The following SYNPR variants were observed in gnomAD, a reference collection of about 807,000 sequenced individuals.
SYNPR encodes the protein synaptoporin.
In SYNPR, 23 loss-of-function variants were observed where a neutral mutation model predicts 32.9. The ratio of observed to expected loss-of-function variants is 0.70; its 90% CI spans 0.50 to 0.99. SYNPR has a LOEUF of 0.99. SYNPR is among the 50% of genes least tolerant of loss of function. The pLI is 0.00. For missense variants in SYNPR, 318 were observed against 349.3 expected, an observed-to-expected ratio of 0.91 and a Z score of 0.71; for synonymous variants, 146 against 135.9, an observed-to-expected ratio of 1.07 and a Z score of -0.52.
At chr3:63,456,593 A>C (rs559181855) in intron 2 of SYNPR, among the ~76,000 whole-genome samples, 8 of 152,118 alleles carry the variant, frequency 5.3e-5, no homozygotes, top group Admixed American at 1.3e-4. Context: ...AGGAAACAGA[A>C]GACTTGATGG....
chr3:63,309,204 G>T (rs1171027757), intron 2 of SYNPR, among the ~76,000 whole-genome samples: 2 of 151,902 alleles, frequency 1.3e-5, no homozygotes, highest in Non-Finnish European at 2.9e-5. Context: ...GTTTTTGGTT[G>T]GTTGGTTGTT....
chr3:63,445,659 G>GGT (rs1272669128), intron 2 of SYNPR: 1 of 581,878 alleles, frequency 1.7e-6, no homozygotes, highest in Non-Finnish European at 3.1e-6. Context: ...ACTCTATGAG[G>GGT]GCCATAACAT....
chr3:63,542,495 G>A (rs1165507633), intron 3 of SYNPR, among the ~76,000 whole-genome samples: 2 of 152,066 alleles, frequency 1.3e-5, no homozygotes, highest in Non-Finnish European at 2.9e-5. Flanking sequence ...TTTATACTGA[G>A]TAATCACTCC....
rs184337274 is a variant in SYNPR at position 63,495,769 on chromosome 3, G to T, written c.209+14813G>T. Among the ~76,000 whole-genome samples, 343 of 152,218 alleles carry T rather than the reference G, an allele frequency of 2.3e-3. 1 individual carries two copies. Among genetic ancestry groups the T allele is most frequent in the South Asian group, 4.1e-3 (20 of 4,826 alleles). ...AACTATGGAGACAGTAAAAAGATCA[G>T]TGGTGGCCAAAGGTTGAGGGAGATG... is the stretch of plus-strand genomic sequence containing the variant. On this transcript the variant is annotated intron_variant, in intron 3 of 5. Coordinates refer to ENST00000478300, the MANE Select transcript of SYNPR (RefSeq NM_001130003.2).
At chr3:63,409,490 G>A (rs2088433339) in intron 2 of SYNPR, among the ~76,000 whole-genome samples, 1 of 152,068 alleles carries the variant, frequency 6.6e-6, no homozygotes, top group Non-Finnish European at 1.5e-5. Context: ...TCCTACATTT[G>A]ACTCTTGGCT....
intron 2 of SYNPR, among the ~76,000 whole-genome samples, chr3:63,319,974 G>A (rs533290156): frequency 6.6e-6 from 1 of 151,946 alleles, no homozygotes; most frequent in African/African-American, 2.4e-5. Flanking sequence ...TATTGAGACA[G>A]GGTCTTGCCC....
chr3:63,305,891 A>C (rs778841655), intron 2 of SYNPR, among the ~76,000 whole-genome samples: 2 of 152,016 alleles, frequency 1.3e-5, no homozygotes, highest in African/African-American at 2.4e-5. Context: ...AGTCCTGGAA[A>C]AATGGCTAAA....
intron 3 of SYNPR, among the ~76,000 whole-genome samples, chr3:63,549,761 T>A (rs1702469845): frequency 6.6e-6 from 1 of 152,170 alleles, no homozygotes; most frequent in African/African-American, 2.4e-5. Context: ...GACTCAATAT[T>A]TTCTTTAACC....
intron 3 of SYNPR, among the ~76,000 whole-genome samples, chr3:63,272,196 C>T (rs1285819859): frequency 6.6e-6 from 1 of 152,130 alleles, no homozygotes; most frequent in Non-Finnish European, 1.5e-5. Context: ...TTCTGGGTAC[C>T]TTACTTGCAT....
intron 2 of SYNPR, chr3:63,452,234 A>G: frequency 5.4e-6 from 3 of 551,446 alleles, no homozygotes; most frequent in Non-Finnish European, 9.8e-6. Flanking sequence ...ATACGGAGGT[A>G]ACTAAAACAA....
chr3:63,393,400 T>C (rs767261825), intron 2 of SYNPR, among the ~76,000 whole-genome samples: 2 of 152,080 alleles, frequency 1.3e-5, no homozygotes, highest in African/African-American at 2.4e-5. Context: ...TTTTCATTAG[T>C]GTTGGACTGT....
intron 2 of SYNPR, among the ~76,000 whole-genome samples, chr3:63,412,947 T>C (rs1304945639): frequency 2.0e-5 from 3 of 152,150 alleles, no homozygotes; most frequent in Admixed American, 6.6e-5. Context: ...GTCACTCAAA[T>C]TCGGAACCTG....
At chr3:63,328,527 T>C (rs1258503292) in intron 2 of SYNPR, among the ~76,000 whole-genome samples, 1 of 152,166 alleles carries the variant, frequency 6.6e-6, no homozygotes, top group Non-Finnish European at 1.5e-5. Flanking sequence ...CTCACAATCA[T>C]GTGTTTTGTA....
chr3:63,301,840 C>G (rs2086861823), intron 2 of SYNPR, among the ~76,000 whole-genome samples: 1 of 151,940 alleles, frequency 6.6e-6, no homozygotes, highest in Non-Finnish European at 1.5e-5. Context: ...CTTGTCTTCT[C>G]CAGCCAAAAA....
chr3:63,330,493 G>A lies in SYNPR; in HGVS notation c.84+51751G>A, dbSNP rs115908022. ...AAAGAGTCTCACCTCATGCAGCCACGGGTTCAAGTTTAAGTGATTCTTCCT... is the reference window on the plus strand; with the variant it reads ...AAAGAGTCTCACCTCATGCAGCCACAGGTTCAAGTTTAAGTGATTCTTCCT... On this transcript the variant is annotated intron_variant, in intron 2 of 5. Coordinates refer to ENST00000478300, the MANE Select transcript of SYNPR (RefSeq NM_001130003.2). Among the ~76,000 whole-genome samples the A allele has an allele frequency of 5.7e-3, 868 of 151,894 alleles. 12 individuals are homozygous for A. Among genetic ancestry groups the A allele is most frequent in the African/African-American group, 0.019 (769 of 41,418 alleles).
At chr3:63,566,504 T>G (rs951405811) in intron 4 of SYNPR, among the ~76,000 whole-genome samples, 1 of 152,140 alleles carries the variant, frequency 6.6e-6, no homozygotes. Flanking sequence ...CAGACCCTCT[T>G]ACAGTCGCTA....
intron 1 of SYNPR, among the ~76,000 whole-genome samples, chr3:63,236,911 G>T (rs1233548930): frequency 1.3e-5 from 2 of 152,074 alleles, no homozygotes; most frequent in Admixed American, 6.6e-5. Context: ...AAGAAGAGTG[G>T]TGAGAGTGGA....
At chr3:63,275,127 G>A (rs571120560), upstream of SYNPR, among the ~76,000 whole-genome samples, 1 of 152,178 alleles carries the variant, frequency 6.6e-6, no homozygotes, top group South Asian at 2.1e-4. Flanking sequence ...ATCATAGTAA[G>A]AGGGAAATTA....
At chr3:63,309,716 G>C (rs778317672) in intron 2 of SYNPR, among the ~76,000 whole-genome samples, 2 of 151,822 alleles carry the variant, frequency 1.3e-5, no homozygotes, top group Non-Finnish European at 2.9e-5. Flanking sequence ...TCCTCTCCTA[G>C]ACACGGGCAG....
Sources: gnomAD v4.1 joint callset for allele counts (sites outside exome capture counted in the v4.1 genomes callset) on GRCh38, gnomAD v4.1.1 for gene constraint, MANE v1.5 for transcripts, NCBI Gene and HGNC (gene_info 2026-07-23, HGNC 2026-07-21) for gene names.